The following COLEC12 variants were observed in gnomAD, a reference collection of about 807,000 sequenced individuals.
COLEC12 encodes the protein collectin-12.
Under a neutral mutation model 71.1 loss-of-function variants are expected in COLEC12, and 33 were observed. That is an observed-to-expected ratio of 0.46 (90% CI 0.35 to 0.62). COLEC12 has a LOEUF of 0.62. Among genes scored for constraint, COLEC12 ranks in the 20% least tolerant of loss-of-function variants. The pLI, the probability that COLEC12 is intolerant of heterozygous loss-of-function variation, is 0.00. For synonymous variants in COLEC12, 350 were observed against 353.0 expected, an observed-to-expected ratio of 0.99 and a Z score of 0.10; for missense variants, 765 against 916.1, an observed-to-expected ratio of 0.84 and a Z score of 2.13.
intron 1 of COLEC12, among the ~76,000 whole-genome samples, chr18:499,801 A>C (rs967658198): frequency 2.0e-5 from 3 of 152,210 alleles, no homozygotes; most frequent in Non-Finnish European, 4.4e-5. Context: ...ACACTTCCAT[A>C]AACCGGCCTG....
chr18:386,404 T>A (rs1183836538), intron 2 of COLEC12, among the ~76,000 whole-genome samples: 1 of 152,204 alleles, frequency 6.6e-6, no homozygotes. Context: ...TGTGGACTAG[T>A]GGCATCAGCA....
chr18:413,991 T>C (rs1915940661), intron 2 of COLEC12, among the ~76,000 whole-genome samples: 1 of 152,194 alleles, frequency 6.6e-6, no homozygotes, highest in Non-Finnish European at 1.5e-5. Context: ...TTGCCAGTGA[T>C]GAAGAAGTAG....
chr18:320,152 T>C, intron 9 of COLEC12, 88 bp from the exon 10 acceptor site: 1 of 760,086 alleles, frequency 1.3e-6, no homozygotes, highest in East Asian at 2.5e-5. Flanking sequence ...TGTATTTTTA[T>C]AGGACAGTGT....
Position 339,377 on chromosome 18 carries a change from C to T in COLEC12, c.1328-4147G>A, listed in dbSNP as rs780202844. 9.9e-4 allele frequency among the ~76,000 whole-genome samples: 150 copies of T among 152,128 alleles called. 3 individuals carry two copies. The highest frequency in any genetic ancestry group is 3.9e-3 in the Admixed American group (60 of 15,272). ...CAGTCAATGTGTAAGTTGTGGCTTA[C>T]GTGAAGAATGACCTCAAACGTGGAT... On this transcript the variant is annotated intron_variant, in intron 5 of 9. Coordinates refer to ENST00000400256, the MANE Select transcript of COLEC12 (RefSeq NM_130386.3).
At chr18:440,632 A>C (rs1916500877) in intron 2 of COLEC12, among the ~76,000 whole-genome samples, 1 of 152,204 alleles carries the variant, frequency 6.6e-6, no homozygotes, top group African/African-American at 2.4e-5. Context: ...CTGGGATGCC[A>C]AAGTCCACAG....
At chr18:450,081 T>C (rs1220862144) in intron 2 of COLEC12, among the ~76,000 whole-genome samples, 1 of 152,216 alleles carries the variant, frequency 6.6e-6, no homozygotes, top group Non-Finnish European at 1.5e-5. Flanking sequence ...TCACTTGCAT[T>C]AGTGGACATT....
chr18:333,087 T>C lies in COLEC12; in HGVS notation c.1873A>G (p.Lys625Glu). The C allele has an allele frequency of 6.2e-7, 1 of 1,612,330 alleles. No homozygotes were observed. The change falls in exon 7 of 10, where the codon AAA becomes GAA. Residue 625 changes from lysine (K) to glutamate (E), a missense_variant. Lys to Glu is a moderately conservative substitution (Grantham distance 56). Transcript: ENST00000400256. Reference sequence around the variant, plus strand: ...AGCTTTGCATCCTCAAAAATTTCTTTCTCAACTGAAAAATAGTAGCATTTG... The same window carrying C: ...AGCTTTGCATCCTCAAAAATTTCTTCCTCAACTGAAAAATAGTAGCATTTG... ...TDKCYYFSVE[K>E]EIFEDAKLFC...
At chr18:378,108 T>TA (rs1366501923) in intron 2 of COLEC12, among the ~76,000 whole-genome samples, 1 of 152,198 alleles carries the variant, frequency 6.6e-6, no homozygotes, top group Non-Finnish European at 1.5e-5. Flanking sequence ...TACCCCCTGC[T>TA]GCTGCCCAGT....
At chr18:489,376 G>T (rs1377344720) in intron 1 of COLEC12, among the ~76,000 whole-genome samples, 1 of 152,112 alleles carries the variant, frequency 6.6e-6, no homozygotes, top group African/African-American at 2.4e-5. Context: ...GAAGTTACTG[G>T]AGAATGCACT....
chr18:452,218 AATATATGATTT>A (rs1916776802), intron 2 of COLEC12, among the ~76,000 whole-genome samples: 2 of 152,238 alleles, frequency 1.3e-5, no homozygotes, highest in African/African-American at 4.8e-5. Context: ...CCTTGTGCTC[AATATATGATTT>A]AGATTAAGAG....
At chr18:373,030 C>A (rs955730305) in intron 2 of COLEC12, among the ~76,000 whole-genome samples, 1 of 152,162 alleles carries the variant, frequency 6.6e-6, no homozygotes, top group African/African-American at 2.4e-5. Flanking sequence ...ACTACAGCTG[C>A]CTGTGACCAG....
In COLEC12 at chr18:480,604, T is replaced by C; in HGVS notation, c.58+103A>G. On this transcript the variant is annotated intron_variant, in intron 2 of 9. Transcript: ENST00000400256. The surrounding 1 kb of genome is among the most constrained non-coding windows in gnomAD (Gnocchi z 4.1). ...TGGACCTCAGAGCCACAAACACCCA[T>C]GTGCATGAAGGGCCTGCCAGTGGCC... 2.0e-6 allele frequency: 2 copies of C among 1,000,396 alleles called. No individual in the cohort carries two copies. The highest frequency in any genetic ancestry group is 3.2e-6 in the Non-Finnish European group (2 of 622,082). The allele number at this position is 1,000,396 out of a possible 1,614,324, so 62.0% of individuals were successfully genotyped here. A position where few individuals can be genotyped will look rare whatever the true frequency, so the allele number is the denominator to read the frequency against.
At chr18:373,246 T>C (rs528883032) in intron 2 of COLEC12, among the ~76,000 whole-genome samples, 1 of 152,378 alleles carries the variant, frequency 6.6e-6, no homozygotes, top group East Asian at 1.9e-4. Context: ...GCTCATCCTA[T>C]TTGATCACGT....
intron 1 of COLEC12, among the ~76,000 whole-genome samples, chr18:499,148 T>C (rs1483311490): frequency 2.0e-5 from 3 of 152,144 alleles, no homozygotes; most frequent in Non-Finnish European, 4.4e-5. Context: ...CTAAGGAATG[T>C]GTGTATTTCC....
intron 2 of COLEC12, among the ~76,000 whole-genome samples, chr18:434,681 T>C (rs1045831548): frequency 3.9e-5 from 6 of 152,228 alleles, no homozygotes; most frequent in Non-Finnish European, 8.8e-5. Context: ...CTCTCTCCAA[T>C]CACTTCCCTG....
intron 3 of COLEC12, among the ~76,000 whole-genome samples, chr18:350,343 G>A (rs960161560): frequency 1.3e-5 from 2 of 152,090 alleles, no homozygotes; most frequent in South Asian, 4.2e-4. Context: ...ATGATTCTGA[G>A]GCCTCCCCAG....
intron 2 of COLEC12, among the ~76,000 whole-genome samples, chr18:476,654 CCT>C (rs1344783588): frequency 1.3e-5 from 2 of 152,202 alleles, no homozygotes; most frequent in Non-Finnish European, 2.9e-5. Flanking sequence ...GGTGGTGCTG[CCT>C]CTCTTTCCCT....
chr18:364,676 T>C (rs942120632), intron 2 of COLEC12, among the ~76,000 whole-genome samples: 2 of 152,220 alleles, frequency 1.3e-5, no homozygotes, highest in African/African-American at 4.8e-5. Flanking sequence ...AGCCAGACAC[T>C]GACTCTGACA....
At chr18:490,976 T>C (rs180822734) in intron 1 of COLEC12, among the ~76,000 whole-genome samples, 3 of 152,390 alleles carry the variant, frequency 2.0e-5, no homozygotes, top group African/African-American at 7.2e-5. Flanking sequence ...CCAGCTCTTG[T>C]ACATTTGTCA....
Sources: gnomAD v4.1 joint callset for allele counts (sites outside exome capture counted in the v4.1 genomes callset) on GRCh38, gnomAD v4.1.1 for gene constraint, Gnocchi (gnomAD v3.1) non-coding constraint, MANE v1.5 for transcripts, NCBI Gene and HGNC (gene_info 2026-07-23, HGNC 2026-07-21) for gene names.